The following SLC22A2 variants were observed in gnomAD, a reference collection of about 807,000 sequenced individuals.
The protein encoded by SLC22A2 is organic cation transporter 2.
A neutral mutation model predicts 60.5 loss-of-function variants in SLC22A2; 46 were observed. That is an observed-to-expected ratio of 0.76 (90% CI 0.60 to 0.97). The LOEUF (loss-of-function observed/expected upper bound fraction) is 0.97, where lower values mean the gene tolerates loss of function less well. SLC22A2 is among the 50% of genes least tolerant of loss of function. The probability of loss-of-function intolerance (pLI) is 0.00; values close to 1 mark genes in which losing one functional copy is unlikely to be tolerated. For missense variants in SLC22A2, 701 were observed against 706.6 expected (o/e 0.99, Z 0.09); for synonymous variants, 303 against 267.0 (o/e 1.13, Z -1.31).
At chr6:160,234,566 C>T (rs1782881052) in intron 9 of SLC22A2, among the ~76,000 whole-genome samples, 1 of 152,290 alleles carries the variant, frequency 6.6e-6, no homozygotes, top group South Asian at 2.1e-4. Flanking sequence ...CTCAGGGTAA[C>T]TGTCTGCTCT....
chr6:160,243,399 T>C (rs1012087652), intron 7 of SLC22A2, among the ~76,000 whole-genome samples, 173 bp downstream of exon 7: 3 of 152,090 alleles, frequency 2.0e-5, no homozygotes, highest in Admixed American at 6.5e-5. Context: ...CAATTTTTCC[T>C]AAAGGGAGGC....
In SLC22A2 at chr6:160,258,667, C is replaced by T. The variant is rs749224875; in HGVS notation, c.91G>A (p.Ala31Thr). ...CCCACGTAGATGGGCGCGAAGGTAG[C>T]CGAGAGCAGAGCCAAGAGGAAAAAC... ...QMFFLLALLSATFAPIYVGIV... is the reference protein window; with the variant it reads ...QMFFLLALLSTTFAPIYVGIV... Residue 31 changes from alanine to threonine, a missense_variant, in exon 1 of 11, where the codon GCT becomes ACT. Coordinates refer to ENST00000366953, the MANE Select transcript of SLC22A2 (RefSeq NM_003058.4). 8.4e-5 allele frequency: 136 copies of T among 1,613,130 alleles called. No individual in the cohort carries two copies. Among genetic ancestry groups the T allele is most frequent in the Non-Finnish European group, 1.1e-4 (133 of 1,179,608 alleles).
chr6:160,224,487 T>C (rs550667351), intron 10 of SLC22A2, among the ~76,000 whole-genome samples: 1 of 152,346 alleles, frequency 6.6e-6, no homozygotes, highest in East Asian at 1.9e-4. Context: ...TTGGGTCATA[T>C]TTAGAAAGAC....
intron 3 of SLC22A2, among the ~76,000 whole-genome samples, chr6:160,249,981 A>C (rs1479400780): frequency 1.3e-5 from 2 of 152,246 alleles, no homozygotes; most frequent in East Asian, 3.8e-4. Context: ...AGATGCTATG[A>C]TGTTAGAAGT....
chr6:160,225,665 A>G lies in SLC22A2; in HGVS notation c.1502-861T>C, dbSNP rs145767450. ...TATAAATTGGGATAACATACTGTCA[A>G]GTCAAGTTTAGCCTACAGCTGCCTC... On this transcript the variant is annotated intron_variant, in intron 9 of 10. Coordinates refer to ENST00000366953, the MANE Select transcript of SLC22A2 (RefSeq NM_003058.4). Among the ~76,000 whole-genome samples, 352 of 152,334 alleles carry G rather than the reference A, an allele frequency of 2.3e-3. 2 individuals are homozygous for G. The highest frequency in any genetic ancestry group is 0.02 in the Middle Eastern group (6 of 294).
At chr6:160,218,960 G>T (rs1277990880) in intron 10 of SLC22A2, among the ~76,000 whole-genome samples, 1 of 152,158 alleles carries the variant, frequency 6.6e-6, no homozygotes, top group Non-Finnish European at 1.5e-5. Context: ...AGCAACAGCA[G>T]CAGCAGCAGC....
intron 2 of SLC22A2, among the ~76,000 whole-genome samples, chr6:160,253,087 G>C (rs1783213869): frequency 6.6e-6 from 1 of 152,156 alleles, no homozygotes; most frequent in South Asian, 2.1e-4. Context: ...CTTTGCCCAG[G>C]AAAGAATTCA....
chr6:160,233,133 G>T (rs1263430070), intron 9 of SLC22A2, among the ~76,000 whole-genome samples: 1 of 151,932 alleles, frequency 6.6e-6, no homozygotes, highest in Admixed American at 6.6e-5. Flanking sequence ...GATTTGCCCT[G>T]CCCAGGACTG....
At position 160,258,401 on chromosome 6, in the gene SLC22A2, C is replaced by T; in HGVS notation, c.357G>A (p.Leu119=). 6.2e-7 allele frequency: 1 copy of T among 1,613,740 alleles called. No individual in the cohort carries two copies. Among genetic ancestry groups the T allele is most frequent in the Non-Finnish European group, 8.5e-7 (1 of 1,179,918 alleles). ...ACACCCAGCCGTCCCGGCAGGGGCCCAGTGGCAGGCGGCTCCTGTTGGTGT... is the reference window on the plus strand; with the variant it reads ...ACACCCAGCCGTCCCGGCAGGGGCCTAGTGGCAGGCGGCTCCTGTTGGTGT... The part of the protein sequence containing the change: ...SLDTNRSRLP[L]GPCRDGWVYE... Residue 119 remains leucine (L), a synonymous_variant, in exon 1 of 11, where the codon CTG becomes CTA. Coordinates refer to ENST00000366953, the MANE Select transcript of SLC22A2 (RefSeq NM_003058.4).
At chr6:160,218,943 T>TCACAATTAACAACAGCAAC (rs1461406642) in intron 10 of SLC22A2, among the ~76,000 whole-genome samples, 4 of 1,492 alleles carry the variant, frequency 2.7e-3, no homozygotes, top group African/African-American at 8.0e-3. Flanking sequence ...GTAGCAGTAG[T>TCACAATTAACAACAGCAAC]AATAGCAGCA....
In SLC22A2 at chr6:160,256,888, TTCTC is replaced by T. The variant is rs58095836; in HGVS notation, c.415-175_415-172del. On this transcript the variant is annotated intron_variant, in intron 1 of 10. Transcript: ENST00000366953. ...CTTGATCATGCCAATTTTCTTCTTC[TTCTC>T]TCTCTCTCTCTTTTTTTTTTTTTTT... Among the ~76,000 whole-genome samples, 28 of 134,662 alleles carry T rather than the reference TTCTC, an allele frequency of 2.1e-4. 5 individuals carry two copies. The highest frequency in any genetic ancestry group is 2.3e-4 in the Admixed American group (3 of 12,860). 88.3% of individuals were successfully genotyped at this position (134,662 alleles called of 152,430 possible).
chr6:160,219,131 GCAGTACGAACAC>G (rs1782600388), intron 10 of SLC22A2, among the ~76,000 whole-genome samples: 1 of 1,428 alleles, frequency 7.0e-4, no homozygotes. Flanking sequence ...AGCAACAACA[GCAGTACGAACAC>G]CAGCAGTAAC....
At chr6:160,234,799 T>G (rs1024871094) in intron 9 of SLC22A2, among the ~76,000 whole-genome samples, 1 of 152,240 alleles carries the variant, frequency 6.6e-6, no homozygotes, top group Non-Finnish European at 1.5e-5. Flanking sequence ...AACCAGCCAA[T>G]GCTGTAGCTC....
At chr6:160,239,810 T>A (rs1782969886) in intron 9 of SLC22A2, among the ~76,000 whole-genome samples, 1 of 152,226 alleles carries the variant, frequency 6.6e-6, no homozygotes, top group Admixed American at 6.5e-5. Context: ...ACTTTGGCCA[T>A]CTTATTGCTA....
At chr6:160,220,533 A>G (rs1009561605) in intron 10 of SLC22A2, among the ~76,000 whole-genome samples, 1 of 152,202 alleles carries the variant, frequency 6.6e-6, no homozygotes, top group Non-Finnish European at 1.5e-5. Flanking sequence ...CAATGGTGAA[A>G]GATTTCCAGA....
intron 10 of SLC22A2, among the ~76,000 whole-genome samples, chr6:160,221,497 A>G (rs1400261258): frequency 1.3e-5 from 2 of 152,220 alleles, no homozygotes; most frequent in African/African-American, 2.4e-5. Flanking sequence ...TGCATTCTCG[A>G]CTTGGCTACC....
intron 9 of SLC22A2, among the ~76,000 whole-genome samples, chr6:160,237,661 G>T (rs1782932039): frequency 6.6e-6 from 1 of 152,162 alleles, no homozygotes; most frequent in South Asian, 2.1e-4. Flanking sequence ...AGGGAATGGG[G>T]AAATCTCAGA....
chr6:160,250,455 T>G, intron 3 of SLC22A2, 93 bp downstream of exon 3: 1 of 1,138,952 alleles, frequency 8.8e-7, no homozygotes, highest in East Asian at 2.3e-5. Context: ...GTCTTGAAGC[T>G]GGGTCCCTTT....
At position 160,252,341 on chromosome 6, in the gene SLC22A2, C is replaced by T. The variant is rs1277547554; in HGVS notation, c.519-1639G>A. On this transcript the variant is annotated intron_variant, in intron 2 of 10. Transcript: ENST00000366953. ...CACAGTAGTGCCCCATGTAGATGGACAAAATCTTTTAGGTGATGAGAGGGA... is the reference window on the plus strand; with the variant it reads ...CACAGTAGTGCCCCATGTAGATGGATAAAATCTTTTAGGTGATGAGAGGGA... Among the ~76,000 whole-genome samples the T allele has an allele frequency of 3.3e-5, 5 of 152,136 alleles. No individual in the cohort carries two copies. The East Asian group carries it at 9.6e-4, about 29-fold the overall frequency.
Sources: allele counts gnomAD v4.1 joint callset (sites outside exome capture counted in the v4.1 genomes callset), GRCh38; gene constraint gnomAD v4.1.1; transcripts MANE v1.5; gene names NCBI Gene and HGNC (gene_info 2026-07-23, HGNC 2026-07-21).